NCALD: variants seen among roughly 807,000 people sequenced by gnomAD.
NCALD encodes neurocalcin delta, also known as neurocalcin-delta.
A neutral mutation model predicts 18.6 loss-of-function variants in NCALD; 10 were observed. The observed-to-expected ratio is 0.54, with a 90% CI of 0.33 to 0.91. NCALD has a LOEUF of 0.91. NCALD is among the 40% of genes least tolerant of loss of function. The pLI, the probability that NCALD is intolerant of heterozygous loss-of-function variation, is 0.03. For missense variants in NCALD, 184 were observed against 247.6 expected (o/e 0.74, Z 1.72); for synonymous variants, 88 against 87.4 (o/e 1.01, Z -0.04).
intron 2 of NCALD, among the ~76,000 whole-genome samples, chr8:101,996,533 G>A (rs116512912): frequency 1.0e-3 from 152 of 152,328 alleles, no homozygotes; most frequent in African/African-American, 3.6e-3. Context: ...TACTCTGCAG[G>A]TAACAACTGG....
At chr8:101,693,325 T>TTG (rs1814827495) in intron 2 of NCALD, 2 of 91,976 alleles carry the variant, frequency 2.2e-5, no homozygotes, top group Non-Finnish European at 4.7e-5. Context: ...GGCGTTTTTT[T>TTG]TTTTTTTTTT....
intron 2 of NCALD, among the ~76,000 whole-genome samples, chr8:101,970,345 TTGTG>T (rs1437520497): frequency 6.6e-6 from 1 of 152,236 alleles, no homozygotes; most frequent in Non-Finnish European, 1.5e-5. Flanking sequence ...TTTAATTGCA[TTGTG>T]TATTATTGCA....
At chr8:102,048,226 C>T (rs1823316417) in intron 1 of NCALD, among the ~76,000 whole-genome samples, 1 of 152,188 alleles carries the variant, frequency 6.6e-6, no homozygotes, top group South Asian at 2.1e-4. Flanking sequence ...ACCAAAGATA[C>T]GGGATTGCTC....
intron 4 of NCALD, among the ~76,000 whole-genome samples, chr8:101,850,308 A>G (rs1307401892): frequency 2.0e-5 from 3 of 152,208 alleles, no homozygotes; most frequent in Non-Finnish European, 4.4e-5. Context: ...CCAAGACACC[A>G]TCTCCTGCTC....
At position 101,688,845 on chromosome 8, in the gene NCALD, TTG is replaced by T; in HGVS notation, c.*462_*463del. The T allele has an allele frequency of 1.6e-6, 1 of 627,746 alleles. No homozygotes were observed. Among genetic ancestry groups the T allele is most frequent in the Non-Finnish European group, 2.9e-6 (1 of 347,686 alleles). 38.9% of individuals were successfully genotyped at this position (627,746 alleles called of 1,614,324 possible). Reference sequence around the variant, plus strand: ...GAATAGCCTCACCCCAGAGGGTAACTTGTTCTTGGGGAATCCAGCATCCGGTG... The same window carrying T: ...GAATAGCCTCACCCCAGAGGGTAACTTTCTTGGGGAATCCAGCATCCGGTG... On this transcript the variant is annotated 3_prime_UTR_variant, in exon 4 of 4. Transcript: ENST00000220931.
At chr8:102,035,775 G>A (rs16868908) in intron 1 of NCALD, among the ~76,000 whole-genome samples, 14,465 of 151,938 alleles carry the variant, frequency 0.095, 818 homozygotes, top group African/African-American at 0.16. Flanking sequence ...AATTTCATTC[G>A]CAAAAGCCTC....
chr8:101,924,648 G>A lies in NCALD; in HGVS notation c.-156-8790C>T, dbSNP rs550790858. On this transcript the variant is annotated intron_variant, in intron 2 of 6. Coordinates refer to the NCALD transcript ENST00000311028. ...ACCATTTATAAACACAGCTACCATC[G>A]GGACCAGAGAGCTGTGTCAATGGCC... 5.3e-5 allele frequency among the ~76,000 whole-genome samples: 8 copies of A among 152,202 alleles called. No homozygotes were observed. The South Asian group carries it at 1.7e-3, about 32-fold the overall frequency.
rs192127290 is a variant in NCALD at position 101,747,780 on chromosome 8, C to T, written c.-19-28132G>A. Among the ~76,000 whole-genome samples, 524 of 151,232 alleles carry T rather than the reference C, an allele frequency of 3.5e-3. 2 individuals are homozygous for T. Among genetic ancestry groups the T allele is most frequent in the Non-Finnish European group, 5.8e-3 (395 of 67,860 alleles). On this transcript the variant is annotated intron_variant, in intron 1 of 3. Coordinates refer to ENST00000220931, the MANE Select transcript of NCALD (RefSeq NM_032041.3). ...TTGCCCAGGCTGGAGTGCAATGGCA[C>T]GATCTCAGCTCACCGCAACCTCTCC...
rs528137072 is a variant in NCALD, at chr8:101,687,496, C to T, written c.*1813G>A. On this transcript the variant is annotated 3_prime_UTR_variant, in exon 4 of 4. Coordinates refer to ENST00000220931, the MANE Select transcript of NCALD (RefSeq NM_032041.3). ...AGAGTCTAGGTCTCAAAATTTCACC[C>T]TATGGATTTGGTTCTTTTTGGTCTA... 2.6e-4 allele frequency: 40 copies of T among 152,752 alleles called. No individual in the cohort carries two copies. The highest frequency in any genetic ancestry group is 9.4e-4 in the African/African-American group (39 of 41,564). 9.5% of individuals were successfully genotyped at this position (152,752 alleles called of 1,614,324 possible).
At chr8:101,760,065 A>T in intron 1 of NCALD, among the ~76,000 whole-genome samples, 1 of 152,194 alleles carries the variant, frequency 6.6e-6, no homozygotes, top group East Asian at 1.9e-4. Context: ...CTCCAGTCCC[A>T]TGAGCCTGGT....
At chr8:102,072,558 A>C (rs993052504) in intron 1 of NCALD, among the ~76,000 whole-genome samples, 6 of 152,162 alleles carry the variant, frequency 3.9e-5, no homozygotes, top group Non-Finnish European at 7.3e-5. Context: ...TCCGCTACTT[A>C]GAGAAAAGAA....
At position 102,112,792 on chromosome 8, in the gene NCALD, A is replaced by T. The variant is rs182824816; in HGVS notation, c.-210+11445T>A. Among the ~76,000 whole-genome samples, 213 of 151,764 alleles carry T rather than the reference A, an allele frequency of 1.4e-3. 2 individuals are homozygous for T. The highest frequency in any genetic ancestry group is 5.0e-3 in the African/African-American group (206 of 41,338). On this transcript the variant is annotated intron_variant, in intron 1 of 6. Transcript: ENST00000311028. ...GGAGGAGGGAGGTAAGTGAGTTCTCACTCTATTAGTTCAGTGGAGAGCTGA... is the reference window on the plus strand; with the variant it reads ...GGAGGAGGGAGGTAAGTGAGTTCTCTCTCTATTAGTTCAGTGGAGAGCTGA...
intron 1 of NCALD, among the ~76,000 whole-genome samples, chr8:101,763,972 A>T (rs1290710803): frequency 0.11 from 2,744 of 24,782 alleles, 89 homozygotes; most frequent in South Asian, 0.17. Flanking sequence ...CTCTCCACAC[A>T]CACACACACA....
At chr8:101,772,892 A>G (rs1811642089) in intron 1 of NCALD, among the ~76,000 whole-genome samples, 1 of 152,196 alleles carries the variant, frequency 6.6e-6, no homozygotes, top group Non-Finnish European at 1.5e-5. Context: ...CCCCATTTTA[A>G]TAGAGAGAAT....
intron 1 of NCALD, among the ~76,000 whole-genome samples, chr8:102,048,755 A>C (rs1032199903): frequency 4.6e-5 from 7 of 152,358 alleles, no homozygotes; most frequent in Admixed American, 3.9e-4. Context: ...GCACCAAAAA[A>C]TACATGCACA....
At chr8:101,859,193 G>T (rs1276588670) in intron 4 of NCALD, among the ~76,000 whole-genome samples, 1 of 152,144 alleles carries the variant, frequency 6.6e-6, no homozygotes, top group Non-Finnish European at 1.5e-5. Context: ...TTTCTCCCGT[G>T]CCAGATGCTT....
At chr8:101,864,593 C>CATT (rs1815684401) in intron 4 of NCALD, among the ~76,000 whole-genome samples, 2 of 136,876 alleles carry the variant, frequency 1.5e-5, no homozygotes, top group East Asian at 4.2e-4. Flanking sequence ...TCTTTCCTTT[C>CATT]TTTTTTTTTT....
intron 2 of NCALD, among the ~76,000 whole-genome samples, chr8:101,940,574 C>T (rs1355245172): frequency 6.6e-6 from 1 of 152,130 alleles, no homozygotes; most frequent in Non-Finnish European, 1.5e-5. Flanking sequence ...TTTTTTCTCC[C>T]ACTGAGCCTA....
intron 4 of NCALD, among the ~76,000 whole-genome samples, chr8:101,820,467 G>A (rs1813675183): frequency 6.6e-6 from 1 of 152,134 alleles, no homozygotes; most frequent in South Asian, 2.1e-4. Flanking sequence ...TACATTTTGA[G>A]GGGAAAGACT....
Sources: allele counts gnomAD v4.1 joint callset (sites outside exome capture counted in the v4.1 genomes callset), GRCh38; gene constraint gnomAD v4.1.1; transcripts MANE v1.5; gene names NCBI Gene and HGNC (gene_info 2026-07-23, HGNC 2026-07-21).